Variants in HLCS observed in about 807,000 individuals in gnomAD.
The protein encoded by HLCS is holocarboxylase synthetase.
HLCS carries 53 observed loss-of-function variants against 75.0 expected under a neutral mutation model. The observed-to-expected ratio is 0.71, with a 90% CI of 0.57 to 0.89. HLCS has a LOEUF of 0.89. Ranked by LOEUF, HLCS falls within the 40% of genes least tolerant of loss-of-function variation. HLCS has a pLI of 0.00. For missense variants in HLCS, 966 were observed against 1,074.0 expected (o/e 0.90, Z 1.41); for synonymous variants, 431 against 428.6 (o/e 1.01, Z -0.07).
intron 6 of HLCS, among the ~76,000 whole-genome samples, chr21:36,786,541 G>T (rs1170299975): frequency 6.6e-6 from 1 of 152,178 alleles, no homozygotes; most frequent in East Asian, 1.9e-4. Flanking sequence ...GGAAGGGGTG[G>T]AGAAGGAAAG....
At chr21:36,883,900 C>G (rs1030582892) in intron 6 of HLCS, among the ~76,000 whole-genome samples, 2 of 152,264 alleles carry the variant, frequency 1.3e-5, no homozygotes, top group South Asian at 4.2e-4. Flanking sequence ...CTAGGGGACC[C>G]GGCCACCCAC....
At chr21:36,847,201 G>A (rs2835488) in intron 6 of HLCS, among the ~76,000 whole-genome samples, 5,182 of 152,242 alleles carry the variant, frequency 0.034, 314 homozygotes, top group African/African-American at 0.12. Context: ...ACGACCTGGC[G>A]TTCAGAAGAG....
chr21:36,938,893 C>A lies in HLCS; in HGVS notation c.432G>T (p.Gly144=). The A allele has an allele frequency of 1.2e-6, 2 of 1,614,018 alleles. No individual in the cohort carries two copies. The highest frequency in any genetic ancestry group is 1.7e-6 in the Non-Finnish European group (2 of 1,180,008). The change falls in exon 3 of 11, where the codon GGG becomes GGT. Residue 144 remains glycine, a synonymous_variant. Coordinates refer to ENST00000674895, the MANE Select transcript of HLCS (RefSeq NM_001352514.2). ...GGAGTCTATCTTCCATGAACGCCACCCCCAGCTTGCTGAAGTTGTCCACAC... is the reference window on the plus strand; with the variant it reads ...GGAGTCTATCTTCCATGAACGCCACACCCAGCTTGCTGAAGTTGTCCACAC... ...EASVDNFSKL[G]VAFMEDRLHM... is the part of the protein sequence containing the mutation.
intron 6 of HLCS, among the ~76,000 whole-genome samples, chr21:36,769,301 C>T (rs771005261): frequency 7.9e-5 from 12 of 152,090 alleles, no homozygotes; most frequent in African/African-American, 1.7e-4. Context: ...AACTGGAGGC[C>T]GCCAGATTTA....
At chr21:36,839,465 C>A (rs570972637) in intron 6 of HLCS, among the ~76,000 whole-genome samples, 3 of 152,150 alleles carry the variant, frequency 2.0e-5, no homozygotes, top group Non-Finnish European at 2.9e-5. Flanking sequence ...AACATAAGTA[C>A]GCTTTGCTCA....
chr21:36,749,950 T>C lies in HLCS; in HGVS notation c.*4296A>G, dbSNP rs986140207. 1 of 152,242 alleles carries C rather than the reference T, an allele frequency of 6.6e-6. No individual in the cohort carries two copies. The highest frequency in any genetic ancestry group is 2.4e-5 in the African/African-American group (1 of 41,462). The allele number at this position is 152,242 out of a possible 1,614,324, so 9.4% of individuals were successfully genotyped here. On this transcript the variant is annotated 3_prime_UTR_variant, in exon 11 of 11. Coordinates refer to ENST00000674895, the MANE Select transcript of HLCS (RefSeq NM_001352514.2). ...GTGGACAGGCGTAACAGAGTGTGTATGTACTTGAAAATGTGTACTAGTGAA... is the reference window on the plus strand; with the variant it reads ...GTGGACAGGCGTAACAGAGTGTGTACGTACTTGAAAATGTGTACTAGTGAA...
intron 1 of HLCS, among the ~76,000 whole-genome samples, chr21:36,965,229 G>A (rs2068505048): frequency 6.6e-6 from 1 of 152,224 alleles, no homozygotes; most frequent in Non-Finnish European, 1.5e-5. Flanking sequence ...GGGCTTTACG[G>A]TGTGACATAT....
At chr21:36,789,659 AC>A (rs1294195036) in intron 6 of HLCS, among the ~76,000 whole-genome samples, 4 of 152,252 alleles carry the variant, frequency 2.6e-5, no homozygotes, top group African/African-American at 7.2e-5. Context: ...AGTCTGGAAA[AC>A]AGAAACAAAA....
rs945618984 is a variant in HLCS at position 36,765,099 on chromosome 21, T to C, written c.2034A>G (p.Arg678=). ...LSTLLISIPL[R]SQLGQRIPFV... is the part of the protein sequence containing the mutation. ...ACGGGATCCTCTGTCCCAGCTGGGA[T>C]CTCAGTGGAATGGAGATGAGCAGAG... Residue 678 remains arginine (R), a synonymous_variant, in exon 8 of 11, where the codon AGA becomes AGG. Transcript: ENST00000674895. The C allele has an allele frequency of 4.3e-6, 7 of 1,613,894 alleles. No individual in the cohort carries two copies. The Admixed American group carries it at 8.3e-5, about 19-fold the overall frequency.
intron 6 of HLCS, among the ~76,000 whole-genome samples, chr21:36,832,787 A>AC (rs1316130015): frequency 6.6e-6 from 1 of 152,194 alleles, no homozygotes; most frequent in Non-Finnish European, 1.5e-5. Context: ...AGAGTCAGTA[A>AC]AATGTGTCCT....
At chr21:36,939,620 C>G (rs2067050915) in intron 2 of HLCS, among the ~76,000 whole-genome samples, 1 of 152,182 alleles carries the variant, frequency 6.6e-6, no homozygotes, top group Non-Finnish European at 1.5e-5. Context: ...CACGTTCCTA[C>G]CACAAGGGGG....
chr21:36,844,374 C>T (rs960189680), intron 6 of HLCS, among the ~76,000 whole-genome samples: 2 of 152,012 alleles, frequency 1.3e-5, no homozygotes. Flanking sequence ...GACAGAAGGA[C>T]AGGGAGGGAG....
chr21:36,826,453 A>AC (rs1270232487), intron 6 of HLCS, among the ~76,000 whole-genome samples: 1 of 152,062 alleles, frequency 6.6e-6, no homozygotes, highest in African/African-American at 2.4e-5. Flanking sequence ...GGCAGGATCA[A>AC]CCCCCTGGAA....
Position 36,930,275 on chromosome 21 carries a change from A to C in HLCS, c.1596T>G (p.Pro532=), listed in dbSNP as rs201862206. Reference sequence around the variant, plus strand: ...CCTCCGCAGCTGACAGCAAGTAAAGAGGAGTTAAGGCAGGAACTTGTTTCA... The same window carrying C: ...CCTCCGCAGCTGACAGCAAGTAAAGCGGAGTTAAGGCAGGAACTTGTTTCA... ...CDMKQVPALT[P]LYLLSAAEEI... is the part of the protein sequence containing the mutation. Residue 532 remains proline, a synonymous_variant, in exon 5 of 11, where the codon CCT becomes CCG. Coordinates refer to ENST00000674895, the MANE Select transcript of HLCS (RefSeq NM_001352514.2). 9.9e-6 allele frequency: 16 copies of C among 1,614,184 alleles called. No individual in the cohort carries two copies. Among genetic ancestry groups the C allele is most frequent in the Non-Finnish European group, 1.4e-5 (16 of 1,180,030 alleles).
rs191915704 is a variant in HLCS at position 36,919,242 on chromosome 21, T to C, written c.1620+11009A>G. 1.1e-3 allele frequency among the ~76,000 whole-genome samples: 175 copies of C among 152,340 alleles called. 1 individual carries two copies. Among genetic ancestry groups the C allele is most frequent in the Admixed American group, 2.0e-3 (30 of 15,304 alleles). Reference sequence around the variant, plus strand: ...CTCATTATTTATATTTACTTTTGCATATTTGAAATTTTCTATGAAATGTTT... The same window carrying C: ...CTCATTATTTATATTTACTTTTGCACATTTGAAATTTTCTATGAAATGTTT... On this transcript the variant is annotated intron_variant, in intron 5 of 10. Coordinates refer to ENST00000674895, the MANE Select transcript of HLCS (RefSeq NM_001352514.2).
At chr21:36,979,740 C>T (rs768783460) in intron 1 of HLCS, among the ~76,000 whole-genome samples, 1 of 151,958 alleles carries the variant, frequency 6.6e-6, no homozygotes, top group Non-Finnish European at 1.5e-5. Context: ...CATAGGGAGA[C>T]TCCATCTGTA....
intron 6 of HLCS, among the ~76,000 whole-genome samples, chr21:36,802,287 C>G (rs1397512541): frequency 6.6e-6 from 1 of 152,148 alleles, no homozygotes; most frequent in Non-Finnish European, 1.5e-5. Context: ...ATGGGCCAGG[C>G]CTGGAAGAAG....
At position 36,966,559 on chromosome 21, in the gene HLCS, C is replaced by G; in HGVS notation, c.80G>C (p.Arg27Pro). Residue 27 changes from arginine (R) to proline (P), a missense_variant, in exon 1 of 11, where the codon CGG becomes CCG. Physicochemically the swap from Arg to Pro is moderately radical, Grantham distance 103. Coordinates refer to ENST00000674895, the MANE Select transcript of HLCS (RefSeq NM_001352514.2). ...RPAELVRATV[R>P]RLRASRCSFT... is the part of the protein sequence containing the mutation. ...GGAACAGCGCGAGGCACGCAGCCGC[C>G]GCACCGTGGCGCGCACGAGCTCAGC... The G allele has an allele frequency of 1.0e-5, 10 of 1,001,358 alleles. No homozygotes were observed. Among genetic ancestry groups the G allele is most frequent in the Non-Finnish European group, 1.2e-5 (10 of 842,536 alleles). The allele number at this position is 1,001,358 out of a possible 1,614,324, so 62.0% of individuals were successfully genotyped here.
At chr21:36,845,241 C>T (rs1023036618) in intron 6 of HLCS, among the ~76,000 whole-genome samples, 3 of 152,178 alleles carry the variant, frequency 2.0e-5, no homozygotes, top group Non-Finnish European at 2.9e-5. Context: ...GCCGGCCACT[C>T]GGCCCCGATC....
Sources: gnomAD v4.1 joint callset for allele counts (sites outside exome capture counted in the v4.1 genomes callset) on GRCh38, gnomAD v4.1.1 for gene constraint, MANE v1.5 for transcripts, NCBI Gene and HGNC (gene_info 2026-07-23, HGNC 2026-07-21) for gene names.